The following C1orf185 variants were observed in gnomAD, a reference collection of about 807,000 sequenced individuals.
The protein encoded by C1orf185 is chromosome 1 open reading frame 185.
In C1orf185, 13 loss-of-function variants were observed where a neutral mutation model predicts 16.1. The ratio of observed to expected loss-of-function variants is 0.81; its 90% confidence interval spans 0.53 to 1.28. C1orf185 has a LOEUF of 1.28. Ranked by LOEUF, C1orf185 falls within the 50% of genes most tolerant of loss-of-function variation. The pLI, the probability that C1orf185 is intolerant of heterozygous loss-of-function variation, is 0.00. For synonymous variants in C1orf185, 80 were observed against 76.9 expected (o/e 1.04, Z -0.21); for missense variants, 220 against 225.2 (o/e 0.98, Z 0.15).
At chr1:51,109,857 T>TGCTTTG (rs1193324891) in intron 1 of C1orf185, among the ~76,000 whole-genome samples, 3 of 152,206 alleles carry the variant, frequency 2.0e-5, no homozygotes, top group Admixed American at 6.5e-5. Context: ...CCCTCAGGAT[T>TGCTTTG]GCTTTAGCTA....
At chr1:51,118,612 T>C (rs1646174604) in intron 2 of C1orf185, 54 bp from the exon 3 acceptor site, 3 of 1,035,126 alleles carry the variant, frequency 2.9e-6, no homozygotes, top group Non-Finnish European at 3.9e-6. Context: ...ATGATTTTAA[T>C]TGTTTTATAA....
At chr1:51,103,669 G>C (rs984196967) in intron 1 of C1orf185, among the ~76,000 whole-genome samples, 3 of 151,796 alleles carry the variant, frequency 2.0e-5, no homozygotes, top group Non-Finnish European at 4.4e-5. Flanking sequence ...CGCTAACTGG[G>C]ACCACAGGTG....
chr1:51,131,108 G>A (rs1273498954), intron 3 of C1orf185, among the ~76,000 whole-genome samples: 1 of 152,132 alleles, frequency 6.6e-6, no homozygotes, highest in Non-Finnish European at 1.5e-5. Context: ...TCTCCATGTT[G>A]GTCAGGCTGG....
intron 1 of C1orf185, 123 bp from the exon 2 acceptor site, chr1:51,112,341 C>A (rs1646127406): frequency 5.4e-6 from 4 of 737,236 alleles, no homozygotes; most frequent in Admixed American, 3.2e-5. Flanking sequence ...ATTCCCATCT[C>A]CCAATCTCCT....
chr1:51,141,976 C>T (rs1047792396), intron 3 of C1orf185, among the ~76,000 whole-genome samples: 2 of 152,058 alleles, frequency 1.3e-5, no homozygotes, highest in Admixed American at 1.3e-4. Flanking sequence ...ACCATGTTGG[C>T]CAGTCTGGTC....
chr1:51,130,184 A>G (rs1646272746), intron 3 of C1orf185, among the ~76,000 whole-genome samples: 1 of 152,188 alleles, frequency 6.6e-6, no homozygotes, highest in African/African-American at 2.4e-5. Context: ...TTTCTCTAGA[A>G]TAAATGCCCA....
intron 1 of C1orf185, among the ~76,000 whole-genome samples, chr1:51,111,429 G>A (rs1433883833): frequency 7.1e-6 from 1 of 140,428 alleles, no homozygotes; most frequent in Non-Finnish European, 1.5e-5. Flanking sequence ...CTAGAGTGCA[G>A]TGGAGCAATT....
chr1:51,150,899 A>G (rs1219568676), downstream of C1orf185, among the ~76,000 whole-genome samples: 1 of 152,184 alleles, frequency 6.6e-6, no homozygotes, highest in East Asian at 1.9e-4. Flanking sequence ...TAGGGAACCA[A>G]ATATTTTCAA....
In C1orf185 at chr1:51,118,646, C is replaced by A; in HGVS notation, c.123-20C>A. 1.6e-6 allele frequency: 2 copies of A among 1,281,062 alleles called. No individual in the cohort carries two copies. The highest frequency in any genetic ancestry group is 2.8e-5 in the East Asian group (1 of 36,144). 79.4% of individuals were successfully genotyped at this position (1,281,062 alleles called of 1,614,324 possible). On this transcript the variant is annotated intron_variant, in intron 2 of 4. Transcript: ENST00000371759. The stretch of plus-strand genomic sequence containing the variant: ...AATCTAACTCAGGTTTAATAATATT[C>A]TTTATAAAATATTTTTCAGAGAAAT...
intron 2 of C1orf185, among the ~76,000 whole-genome samples, chr1:51,117,912 C>T (rs556357885): frequency 1.3e-5 from 2 of 152,044 alleles, no homozygotes; most frequent in South Asian, 4.2e-4. Flanking sequence ...CAGTTTTCTT[C>T]CTCTTATTTA....
chr1:51,116,920 C>G (rs6704076), intron 2 of C1orf185, among the ~76,000 whole-genome samples: 1 of 152,160 alleles, frequency 6.6e-6, no homozygotes, highest in African/African-American at 2.4e-5. Context: ...TACCTTAATA[C>G]TAAAGGCTTC....
rs190484691 is a variant in C1orf185 at position 51,139,052 on chromosome 1, A to G, written c.259-6672A>G. On this transcript the variant is annotated intron_variant, in intron 3 of 4. Transcript: ENST00000371759. Reference sequence around the variant, plus strand: ...CTAATATTTTACTTACATTTTTTACATGTCTGTAAATGAATGAAATCAGCC... The same window carrying G: ...CTAATATTTTACTTACATTTTTTACGTGTCTGTAAATGAATGAAATCAGCC... Among the ~76,000 whole-genome samples the G allele has an allele frequency of 2.9e-3, 433 of 151,532 alleles. 4 individuals are homozygous for G. The highest frequency in any genetic ancestry group is 9.9e-3 in the African/African-American group (408 of 41,356).
chr1:51,141,331 C>T (rs1302702040), intron 3 of C1orf185, among the ~76,000 whole-genome samples: 1 of 151,994 alleles, frequency 6.6e-6, no homozygotes, highest in Non-Finnish European at 1.5e-5. Flanking sequence ...CTCTACACCT[C>T]CAAAAAAAAA....
intron 3 of C1orf185, among the ~76,000 whole-genome samples, chr1:51,143,557 G>A (rs748393737): frequency 6.6e-6 from 1 of 152,068 alleles, no homozygotes; most frequent in Non-Finnish European, 1.5e-5. Context: ...CATAATTACT[G>A]ATATGTAGCA....
At chr1:51,139,545 AT>A (rs1646349904) in intron 3 of C1orf185, among the ~76,000 whole-genome samples, 1 of 152,164 alleles carries the variant, frequency 6.6e-6, no homozygotes, top group African/African-American at 2.4e-5. Flanking sequence ...TGTTTTTTGA[AT>A]GTCTGTTAGG....
intron 4 of C1orf185, 41 bp from the exon 5 acceptor site, chr1:51,147,426 C>T: frequency 7.0e-7 from 1 of 1,436,828 alleles, no homozygotes; most frequent in South Asian, 1.5e-5. Context: ...TAAGAGTTGG[C>T]TTGTGAATAT....
At chr1:51,119,660 TGTA>T (rs1289180560) in intron 3 of C1orf185, among the ~76,000 whole-genome samples, 1 of 152,154 alleles carries the variant, frequency 6.6e-6, no homozygotes. Flanking sequence ...AGTAGTTGGA[TGTA>T]GTGGCTCATG....
intron 3 of C1orf185, among the ~76,000 whole-genome samples, chr1:51,142,288 C>G (rs561939216): frequency 1.3e-5 from 2 of 152,294 alleles, no homozygotes; most frequent in African/African-American, 4.8e-5. Context: ...TATTTAGGGA[C>G]AATTCCTCAG....
chr1:51,110,999 CA>C (rs1306697081), intron 1 of C1orf185, among the ~76,000 whole-genome samples: 1 of 151,788 alleles, frequency 6.6e-6, no homozygotes, highest in East Asian at 1.9e-4. Context: ...CAAAACAAAA[CA>C]AAAAAACAGA....
Sources: gnomAD v4.1 joint callset for allele counts (sites outside exome capture counted in the v4.1 genomes callset) on GRCh38, gnomAD v4.1.1 for gene constraint, MANE v1.5 for transcripts, NCBI Gene and HGNC (gene_info 2026-07-23, HGNC 2026-07-21) for gene names.